CAPN13: variants seen among roughly 807,000 people sequenced by gnomAD.
The protein encoded by CAPN13 is calpain-13.
A neutral mutation model predicts 98.4 loss-of-function variants in CAPN13; 90 were observed. The observed-to-expected ratio is 0.92, with a 90% CI of 0.77 to 1.09. CAPN13 has a LOEUF of 1.09. CAPN13 is among the 50% of genes least tolerant of loss of function. The pLI is 0.00. For missense variants in CAPN13, 887 were observed against 841.3 expected (o/e 1.05, Z -0.67); for synonymous variants, 330 against 305.5 (o/e 1.08, Z -0.84).
At chr2:30,749,415 G>T (rs937993282) in intron 11 of CAPN13, among the ~76,000 whole-genome samples, 2 of 152,198 alleles carry the variant, frequency 1.3e-5, no homozygotes, top group Non-Finnish European at 2.9e-5. Flanking sequence ...CCTCTTATTA[G>T]TGTAAACCAC....
At chr2:30,807,214 G>T (rs562781961) in intron 1 of CAPN13, 88 bp downstream of exon 1, 1 of 152,334 alleles carries the variant, frequency 6.6e-6, no homozygotes, top group African/African-American at 2.4e-5. Flanking sequence ...GCGACATCAT[G>T]AAGCTCTCTA....
chr2:30,744,499 C>A (rs1424759831), intron 12 of CAPN13, among the ~76,000 whole-genome samples: 10 of 152,136 alleles, frequency 6.6e-5, no homozygotes, highest in Non-Finnish European at 1.2e-4. Flanking sequence ...AGCAGTGTCC[C>A]GTGGCTCTGG....
In CAPN13 at chr2:30,798,521, T is replaced by C. The variant is rs145303160; in HGVS notation, c.-33+8781A>G. On this transcript the variant is annotated intron_variant, in intron 1 of 22. Coordinates refer to ENST00000295055, the MANE Select transcript of CAPN13 (RefSeq NM_144575.3). Reference sequence around the variant, plus strand: ...CAGTGACAGGTTGCTCTGGTGTCCCTGTCCGCAGGATGCTCCTAGCATATC... The same window carrying C: ...CAGTGACAGGTTGCTCTGGTGTCCCCGTCCGCAGGATGCTCCTAGCATATC... Among the ~76,000 whole-genome samples, 737 of 152,366 alleles carry C rather than the reference T, an allele frequency of 4.8e-3. 10 individuals carry two copies. The highest frequency in any genetic ancestry group is 0.016 in the African/African-American group (666 of 41,576).
intron 1 of CAPN13, among the ~76,000 whole-genome samples, chr2:30,799,935 G>A (rs1675096624): frequency 1.3e-5 from 2 of 151,932 alleles, no homozygotes; most frequent in South Asian, 2.1e-4. Flanking sequence ...TTAGCCAGGT[G>A]TGGTGGCAGA....
Position 30,745,737 on chromosome 2 carries a change from G to T in CAPN13, c.1237-3C>A. 1 of 1,595,850 alleles carries T rather than the reference G, an allele frequency of 6.3e-7. No individual in the cohort carries two copies. Among genetic ancestry groups the T allele is most frequent in the Non-Finnish European group, 8.5e-7 (1 of 1,178,616 alleles). On this transcript the variant is annotated splice_region_variant and splice_polypyrimidine_tract_variant and intron_variant, in intron 11 of 22. Transcript: ENST00000295055. ...CTGAGCCATACCTGTGAGCCAGCCTGTTGGAAACAGGGAGAAAGGCAGATT... is the reference window on the plus strand; with the variant it reads ...CTGAGCCATACCTGTGAGCCAGCCTTTTGGAAACAGGGAGAAAGGCAGATT...
At chr2:30,756,869 C>T (rs1252661136) in intron 8 of CAPN13, among the ~76,000 whole-genome samples, 2 of 152,202 alleles carry the variant, frequency 1.3e-5, no homozygotes, top group Non-Finnish European at 2.9e-5. Flanking sequence ...TGTGCTGTTT[C>T]ATCCCTTATT....
At chr2:30,757,428 T>C (rs1463152239) in intron 8 of CAPN13, among the ~76,000 whole-genome samples, 1 of 152,210 alleles carries the variant, frequency 6.6e-6, no homozygotes, top group Admixed American at 6.5e-5. Context: ...TCCCTCCTGA[T>C]CTAAGTGTGG....
intron 15 of CAPN13, among the ~76,000 whole-genome samples, chr2:30,740,483 C>T (rs1394932644): frequency 6.6e-6 from 1 of 152,182 alleles, no homozygotes; most frequent in Non-Finnish European, 1.5e-5. Flanking sequence ...TTGCTTTAAA[C>T]TTTCTTTGGA....
chr2:30,759,527 C>A (rs1263079459), intron 7 of CAPN13, among the ~76,000 whole-genome samples: 2 of 152,180 alleles, frequency 1.3e-5, no homozygotes, highest in Non-Finnish European at 2.9e-5. Context: ...AGGAAAGGGG[C>A]GAACTTGCTC....
intron 8 of CAPN13, among the ~76,000 whole-genome samples, chr2:30,756,799 G>A (rs72783025): frequency 0.084 from 12,745 of 152,202 alleles, 821 homozygotes; most frequent in East Asian, 0.24. Context: ...GAGGGGGTTC[G>A]GCTGCCCGAT....
chr2:30,777,010 G>A (rs935264677), intron 3 of CAPN13, among the ~76,000 whole-genome samples: 31 of 152,334 alleles, frequency 2.0e-4, no homozygotes, highest in African/African-American at 7.0e-4. Context: ...TCTCAGAAGG[G>A]TTGTTGTTTT....
At chr2:30,802,546 G>T (rs531742515) in intron 1 of CAPN13, among the ~76,000 whole-genome samples, 22 of 141,406 alleles carry the variant, frequency 1.6e-4, no homozygotes, top group South Asian at 6.4e-4. Context: ...GCAGGCTGGG[G>T]GGGGGGGGTG....
chr2:30,787,083 T>G, intron 2 of CAPN13, 45 bp downstream of exon 2: 2 of 1,466,346 alleles, frequency 1.4e-6, no homozygotes, highest in South Asian at 1.4e-5. Flanking sequence ...GGCAGGCGAC[T>G]CCGAGGACCC....
chr2:30,759,818 T>C (rs921761899), intron 7 of CAPN13, among the ~76,000 whole-genome samples: 1 of 152,174 alleles, frequency 6.6e-6, no homozygotes, highest in East Asian at 1.9e-4. Context: ...GACCTTGGCC[T>C]CGACTGTGAC....
rs767909947 is a variant in CAPN13, at chr2:30,753,122, C to A, written c.1018G>T (p.Gly340Ter). The change falls in exon 10 of 23, where the codon GGA (glycine) becomes TGA (stop). Residue 340 changes from glycine (G) to a stop codon, truncating the protein, a stop_gained. Transcript: ENST00000295055. LOFTEE classifies it high-confidence loss of function. ...CSEIPITLDH[G>*]NTLHEGWSQI... ...GACCATCCTTCGTGGAGTGTGTTTC[C>A]ATGGTCCAGGGTAATTGGAATTTCG... 5 of 1,613,876 alleles carry A rather than the reference C, an allele frequency of 3.1e-6. No individual in the cohort carries two copies. The highest frequency in any genetic ancestry group is 4.2e-6 in the Non-Finnish European group (5 of 1,179,864).
At position 30,764,281 on chromosome 2, in the gene CAPN13, G is replaced by A. The variant is rs768038578; in HGVS notation, c.550C>T (p.His184Tyr). 4.3e-6 allele frequency: 7 copies of A among 1,613,744 alleles called. No individual in the cohort carries two copies. The highest frequency in any genetic ancestry group is 1.3e-5 in the African/African-American group (1 of 74,940). Residue 184 changes from histidine to tyrosine, a missense_variant, in exon 6 of 23, where the codon CAC (histidine) becomes TAC (tyrosine). Coordinates refer to ENST00000295055, the MANE Select transcript of CAPN13 (RefSeq NM_144575.3). ...AKLLGSYSDLHYGFLEDALVD... is the reference protein window; with the variant it reads ...AKLLGSYSDLYYGFLEDALVD... Reference sequence around the variant, plus strand: ...AGGGCATCCTCGAGGAAGCCATAGTGCAGATCGGAATAGGATCCGAGCAGC... The same window carrying A: ...AGGGCATCCTCGAGGAAGCCATAGTACAGATCGGAATAGGATCCGAGCAGC...
chr2:30,772,122 A>T (rs1673441549), intron 4 of CAPN13, among the ~76,000 whole-genome samples: 1 of 152,194 alleles, frequency 6.6e-6, no homozygotes, highest in Non-Finnish European at 1.5e-5. Flanking sequence ...GGGACATCAG[A>T]TAAGTTTGCC....
At chr2:30,725,277 G>A (rs1270368464) in intron 22 of CAPN13, among the ~76,000 whole-genome samples, 2 of 152,090 alleles carry the variant, frequency 1.3e-5, no homozygotes, top group Non-Finnish European at 2.9e-5. Context: ...TTTTAACATA[G>A]GTATTGCCTG....
At chr2:30,778,064 A>G (rs1268298280) in intron 2 of CAPN13, among the ~76,000 whole-genome samples, 1 of 152,244 alleles carries the variant, frequency 6.6e-6, no homozygotes, top group Non-Finnish European at 1.5e-5. Context: ...GTGAAATGGT[A>G]TATCTCAGAA....
Sources: allele counts gnomAD v4.1 joint callset (sites outside exome capture counted in the v4.1 genomes callset), GRCh38; gene constraint gnomAD v4.1.1; transcripts MANE v1.5; gene names NCBI Gene and HGNC (gene_info 2026-07-23, HGNC 2026-07-21).